The following PRLR variants were observed in gnomAD, a reference collection of about 807,000 sequenced individuals.
The protein encoded by PRLR is hPRL receptor.
PRLR carries 13 observed loss-of-function variants against 40.2 expected under a neutral mutation model. The ratio of observed to expected loss-of-function variants is 0.32; its 90% CI spans 0.21 to 0.51. PRLR has a LOEUF of 0.51. Among genes scored for constraint, PRLR ranks in the 20% least tolerant of loss-of-function variants. PRLR has a pLI of 0.97. For missense variants in PRLR, 656 were observed against 747.3 expected (o/e 0.88, Z 1.42); for synonymous variants, 269 against 278.7 (o/e 0.97, Z 0.35).
chr5:35,067,565 G>A (rs1769456801), intron 9 of PRLR, among the ~76,000 whole-genome samples: 2 of 152,200 alleles, frequency 1.3e-5, no homozygotes, highest in African/African-American at 4.8e-5. Flanking sequence ...TTGCCTTAAT[G>A]TACAGCTAGT....
chr5:35,055,377 C>T (rs999005072), downstream of PRLR, among the ~76,000 whole-genome samples: 4 of 151,998 alleles, frequency 2.6e-5, no homozygotes, highest in East Asian at 1.9e-4. Flanking sequence ...ATTTTTAAGG[C>T]TCGAGTCTGG....
chr5:35,123,889 C>T (rs747667144), intron 1 of PRLR, among the ~76,000 whole-genome samples: 18 of 152,260 alleles, frequency 1.2e-4, no homozygotes, highest in Admixed American at 2.6e-4. Flanking sequence ...GGGATTGGAC[C>T]AAGTTCCTCT....
rs1371978622 is a variant in PRLR, at chr5:35,118,053, C to T, written c.-44+8G>A. Reference sequence around the variant, plus strand: ...TGACCGAGGGGCATGAGAACAAGTCCCCCTTACCTTCAGGGTTCATGTGGA... The same window carrying T: ...TGACCGAGGGGCATGAGAACAAGTCTCCCTTACCTTCAGGGTTCATGTGGA... On this transcript the variant is annotated splice_region_variant and intron_variant, in intron 2 of 9. Transcript: ENST00000618457. 3.0e-6 allele frequency: 3 copies of T among 984,228 alleles called. No individual in the cohort carries two copies. The highest frequency in any genetic ancestry group is 2.4e-6 in the Non-Finnish European group (2 of 828,636). 61.0% of individuals were successfully genotyped at this position (984,228 alleles called of 1,614,324 possible).
chr5:35,119,026 C>T (rs757599087), intron 1 of PRLR, among the ~76,000 whole-genome samples: 5 of 152,002 alleles, frequency 3.3e-5, no homozygotes, highest in Non-Finnish European at 4.4e-5. Context: ...AAACTCCTGG[C>T]GTCAATGATC....
At chr5:35,054,369 G>A (rs545868886), downstream of PRLR, among the ~76,000 whole-genome samples, 10 of 152,310 alleles carry the variant, frequency 6.6e-5, no homozygotes, top group East Asian at 1.7e-3. Context: ...AATGCTCATT[G>A]CATAGTCATT....
At chr5:35,145,123 T>C (rs1160562480) in intron 1 of PRLR, among the ~76,000 whole-genome samples, 1 of 152,178 alleles carries the variant, frequency 6.6e-6, no homozygotes, top group East Asian at 1.9e-4. Flanking sequence ...AGTTCTCACA[T>C]CAGCCTGGTT....
chr5:35,194,247 T>C (rs1775677786), intron 1 of PRLR, among the ~76,000 whole-genome samples: 1 of 152,190 alleles, frequency 6.6e-6, no homozygotes, highest in Non-Finnish European at 1.5e-5. Flanking sequence ...TGCTGGGCTC[T>C]CAGGATGAAG....
At chr5:35,119,119 T>C (rs1197588442) in intron 1 of PRLR, among the ~76,000 whole-genome samples, 1 of 152,162 alleles carries the variant, frequency 6.6e-6, no homozygotes, top group Non-Finnish European at 1.5e-5. Flanking sequence ...AAAATGGGCT[T>C]CGATATATAT....
At chr5:35,082,395 CT>C (rs1266039983) in intron 5 of PRLR, among the ~76,000 whole-genome samples, 1 of 152,190 alleles carries the variant, frequency 6.6e-6, no homozygotes, top group Middle Eastern at 3.2e-3. Flanking sequence ...TTAGAGCATA[CT>C]TTCCCAACCT....
intron 1 of PRLR, among the ~76,000 whole-genome samples, chr5:35,140,369 A>G (rs116459428): frequency 0.013 from 1,933 of 152,350 alleles, 22 homozygotes; most frequent in Non-Finnish European, 0.019. Flanking sequence ...AGCAACCTTC[A>G]AAGTCCATCT....
At chr5:35,175,812 C>A (rs1328589416) in intron 1 of PRLR, among the ~76,000 whole-genome samples, 17 of 152,124 alleles carry the variant, frequency 1.1e-4, no homozygotes, top group Non-Finnish European at 1.5e-5. Context: ...CAACATCCTT[C>A]CACACTCACT....
chr5:35,125,354 A>G (rs1369522868), intron 1 of PRLR, among the ~76,000 whole-genome samples: 3 of 152,220 alleles, frequency 2.0e-5, no homozygotes, highest in Non-Finnish European at 4.4e-5. Context: ...TTTAGTTCAG[A>G]GGTCATGAGT....
At chr5:35,070,452 G>A (rs1769676842) in intron 6 of PRLR, among the ~76,000 whole-genome samples, 187 bp from the exon 7 acceptor site, 1 of 152,076 alleles carries the variant, frequency 6.6e-6, no homozygotes, top group South Asian at 2.1e-4. Context: ...AATTTAGCAG[G>A]TTTTCTATCT....
chr5:35,136,950 G>GA (rs373569346), intron 1 of PRLR, among the ~76,000 whole-genome samples: 114 of 119,846 alleles, frequency 9.5e-4, no homozygotes, highest in Admixed American at 3.1e-3. Context: ...GAAAGAAAAA[G>GA]AAAAAAAAAA....
At chr5:35,104,164 C>G (rs1005376077) in intron 2 of PRLR, among the ~76,000 whole-genome samples, 1 of 152,126 alleles carries the variant, frequency 6.6e-6, no homozygotes, top group African/African-American at 2.4e-5. Context: ...AGGGCTGCCT[C>G]TAAATGGCAG....
chr5:35,201,107 CATTAAA>C (rs1386796778), intron 1 of PRLR, among the ~76,000 whole-genome samples: 4 of 152,164 alleles, frequency 2.6e-5, no homozygotes, highest in Non-Finnish European at 5.9e-5. Flanking sequence ...TTAACATCTT[CATTAAA>C]TGGTGACAAT....
intron 1 of PRLR, among the ~76,000 whole-genome samples, chr5:35,131,027 T>G (rs962522367): frequency 4.6e-5 from 7 of 152,196 alleles, no homozygotes; most frequent in Non-Finnish European, 8.8e-5. Context: ...CCACACTTGT[T>G]GCCTCTAGAA....
At chr5:35,112,123 C>T (rs1042553047) in intron 2 of PRLR, among the ~76,000 whole-genome samples, 1 of 152,174 alleles carries the variant, frequency 6.6e-6, no homozygotes, top group African/African-American at 2.4e-5. Context: ...ATGGCTGAGC[C>T]TGTGCCCTGC....
At position 35,083,439 on chromosome 5, in the gene PRLR, CCTCT is replaced by C. The variant is rs201529932; in HGVS notation, c.373+1027_373+1030del. 6.0e-5 allele frequency among the ~76,000 whole-genome samples: 8 copies of C among 133,486 alleles called. 1 individual carries two copies. The highest frequency in any genetic ancestry group is 2.2e-4 in the African/African-American group (6 of 27,336). The allele number at this position is 133,486 out of a possible 152,430, so 87.6% of individuals were successfully genotyped here. A position where few individuals can be genotyped will look rare whatever the true frequency, so the allele number is the denominator to read the frequency against. On this transcript the variant is annotated intron_variant, in intron 5 of 9. Coordinates refer to ENST00000618457, the MANE Select transcript of PRLR (RefSeq NM_000949.7). Reference sequence around the variant, plus strand: ...TGATAAATCTCTCTCTCTCTCTCTTCCTCTCTCTCTGTGTGTGTGTGTGTGTGTG... The same window carrying C: ...TGATAAATCTCTCTCTCTCTCTCTTCCTCTCTGTGTGTGTGTGTGTGTGTG...
Sources: gnomAD v4.1 joint callset for allele counts (sites outside exome capture counted in the v4.1 genomes callset) on GRCh38, gnomAD v4.1.1 for gene constraint, MANE v1.5 for transcripts, NCBI Gene and HGNC (gene_info 2026-07-23, HGNC 2026-07-21) for gene names.